The following PLEKHA7 variants were observed in gnomAD, a reference collection of about 807,000 sequenced individuals.
PLEKHA7 encodes pleckstrin homology domain containing A7.
A neutral mutation model predicts 170.0 loss-of-function variants in PLEKHA7; 104 were observed. The ratio of observed to expected loss-of-function variants is 0.61; its 90% CI spans 0.52 to 0.72. PLEKHA7 has a LOEUF of 0.72. Among genes scored for constraint, PLEKHA7 ranks in the 30% least tolerant of loss-of-function variants. The probability of loss-of-function intolerance (pLI) is 0.00; values close to 1 mark genes in which losing one functional copy is unlikely to be tolerated. For synonymous variants in PLEKHA7, 648 were observed against 660.8 expected (o/e 0.98, Z 0.30); for missense variants, 1,615 against 1,671.7 (o/e 0.97, Z 0.59).
chr11:16,990,726 C>G (rs1208899929), intron 3 of PLEKHA7, among the ~76,000 whole-genome samples: 1 of 152,224 alleles, frequency 6.6e-6, no homozygotes, highest in Non-Finnish European at 1.5e-5. Context: ...TACCTAAGCA[C>G]TGTGGCTGTG....
intron 3 of PLEKHA7, among the ~76,000 whole-genome samples, chr11:16,992,612 C>T (rs1296758549): frequency 6.6e-6 from 1 of 151,936 alleles, no homozygotes; most frequent in Non-Finnish European, 1.5e-5. Flanking sequence ...AAAAATTAGC[C>T]AGGTGTGGTG....
At chr11:16,967,971 G>A (rs1416161231) in intron 3 of PLEKHA7, among the ~76,000 whole-genome samples, 1 of 152,152 alleles carries the variant, frequency 6.6e-6, no homozygotes, top group Non-Finnish European at 1.5e-5. Flanking sequence ...ATGGAAAGAG[G>A]GGCTCAGGGC....
intron 3 of PLEKHA7, among the ~76,000 whole-genome samples, chr11:16,984,319 AT>A (rs1863605136): frequency 6.6e-6 from 1 of 152,092 alleles, no homozygotes; most frequent in African/African-American, 2.4e-5. Context: ...AATATTTAGA[AT>A]AAATATTTAG....
intron 21 of PLEKHA7, chr11:16,790,207 T>A: frequency 5.8e-6 from 2 of 343,060 alleles, no homozygotes; most frequent in Admixed American, 4.3e-5. Context: ...GATCCATTCT[T>A]AGGCACCCTG....
chr11:16,805,953 C>T (rs1287595296), intron 13 of PLEKHA7, among the ~76,000 whole-genome samples: 13 of 152,296 alleles, frequency 8.5e-5, no homozygotes, highest in East Asian at 1.9e-4. Context: ...TCTTTCCACA[C>T]GTTGCATCTG....
At chr11:16,794,088 T>G (rs1405663099) in intron 19 of PLEKHA7, among the ~76,000 whole-genome samples, 1 of 152,128 alleles carries the variant, frequency 6.6e-6, no homozygotes, top group Non-Finnish European at 1.5e-5. Flanking sequence ...TCCACTGGAC[T>G]GAACTCACTG....
At chr11:16,894,920 A>G (rs935180248) in intron 3 of PLEKHA7, among the ~76,000 whole-genome samples, 4 of 152,288 alleles carry the variant, frequency 2.6e-5, no homozygotes, top group African/African-American at 9.6e-5. Context: ...ATTATCTCAT[A>G]TCGTATTACC....
chr11:16,950,444 C>G (rs1257463551), intron 3 of PLEKHA7, among the ~76,000 whole-genome samples: 1 of 152,008 alleles, frequency 6.6e-6, no homozygotes, highest in African/African-American at 2.4e-5. Flanking sequence ...CTGTGCATAC[C>G]CACAAAGAAG....
At chr11:16,868,438 C>T (rs1207501863) in intron 4 of PLEKHA7, among the ~76,000 whole-genome samples, 1 of 152,174 alleles carries the variant, frequency 6.6e-6, no homozygotes, top group African/African-American at 2.4e-5. Flanking sequence ...TCCTACCTGC[C>T]AACAGTGGGG....
chr11:16,812,101 A>G (rs1275235426), intron 13 of PLEKHA7, among the ~76,000 whole-genome samples: 2 of 152,232 alleles, frequency 1.3e-5, no homozygotes, highest in African/African-American at 4.8e-5. Flanking sequence ...AAGTATCTCA[A>G]GACCAGACAG....
At chr11:16,886,463 C>A (rs1007476890) in intron 3 of PLEKHA7, among the ~76,000 whole-genome samples, 1 of 152,208 alleles carries the variant, frequency 6.6e-6, no homozygotes, top group Non-Finnish European at 1.5e-5. Context: ...GTAATCCCAG[C>A]ACTTTGGGAG....
chr11:17,014,281 C>A, intron 1 of PLEKHA7, 35 bp downstream of exon 1: 3 of 1,415,712 alleles, frequency 2.1e-6, no homozygotes, highest in Non-Finnish European at 2.8e-6. Flanking sequence ...GCGCCCCCAC[C>A]CGCGTCCCCG....
chr11:16,980,159 T>A (rs4756881), intron 3 of PLEKHA7, among the ~76,000 whole-genome samples: 100,578 of 152,130 alleles, frequency 0.66, 33,765 homozygotes, highest in East Asian at 0.96. Context: ...GCATTGAGCC[T>A]AGAAAGACAG....
At chr11:16,851,164 G>A (rs765387495) in intron 8 of PLEKHA7, 27 bp downstream of exon 8, 4 of 1,508,592 alleles carry the variant, frequency 2.7e-6, no homozygotes, top group Admixed American at 4.0e-5. Flanking sequence ...AGACAGAATG[G>A]CTGCATTAGA....
At chr11:16,855,951 G>A (rs767008569) in intron 4 of PLEKHA7, 37 bp from the exon 5 acceptor site, 8 of 1,514,358 alleles carry the variant, frequency 5.3e-6, no homozygotes, top group South Asian at 2.3e-5. Context: ...AGTAAAAGCC[G>A]AGCTATAGAG....
chr11:16,901,556 T>C (rs111936682), intron 3 of PLEKHA7, among the ~76,000 whole-genome samples: 2 of 152,180 alleles, frequency 1.3e-5, no homozygotes, highest in Non-Finnish European at 2.9e-5. Context: ...AGAATTCACA[T>C]GTCAAACAAT....
At chr11:16,887,116 T>C (rs897724492) in intron 3 of PLEKHA7, among the ~76,000 whole-genome samples, 1 of 152,050 alleles carries the variant, frequency 6.6e-6, no homozygotes, top group Non-Finnish European at 1.5e-5. Flanking sequence ...ATATTATTTT[T>C]AAAAATCAGA....
intron 15 of PLEKHA7, 54 bp from the exon 16 acceptor site, chr11:16,801,871 C>T (rs1848619462): frequency 1.9e-6 from 3 of 1,602,622 alleles, no homozygotes; most frequent in Non-Finnish European, 1.7e-6. Flanking sequence ...CCCCAGAGGC[C>T]TCCCCATACC....
chr11:16,796,110 C>T (rs964936362), intron 17 of PLEKHA7, among the ~76,000 whole-genome samples: 3 of 152,026 alleles, frequency 2.0e-5, no homozygotes, highest in Admixed American at 6.5e-5. Context: ...CTGCCTGCCT[C>T]GGCCTCCCAA....
Sources: allele counts gnomAD v4.1 joint callset (sites outside exome capture counted in the v4.1 genomes callset), GRCh38; gene constraint gnomAD v4.1.1; transcripts MANE v1.5; gene names NCBI Gene and HGNC (gene_info 2026-07-23, HGNC 2026-07-21).